DPP10: variants seen among roughly 807,000 people sequenced by gnomAD.
DPP10 encodes the protein dipeptidyl peptidase like 10, also known as inactive dipeptidyl peptidase 10.
In DPP10, 33 loss-of-function variants were observed where a neutral mutation model predicts 120.9. The ratio of observed to expected loss-of-function variants is 0.27; its 90% CI spans 0.21 to 0.37. The LOEUF is 0.37. DPP10 is among the 10% of genes least tolerant of loss of function. The pLI, the probability that DPP10 is intolerant of heterozygous loss-of-function variation, is 1.00. For missense variants in DPP10, 816 were observed against 942.8 expected (o/e 0.87, Z 1.76); for synonymous variants, 337 against 326.1 (o/e 1.03, Z -0.36).
At chr2:114,544,829 T>C (rs915095398) in intron 1 of DPP10, among the ~76,000 whole-genome samples, 1 of 152,084 alleles carries the variant, frequency 6.6e-6, no homozygotes, top group Admixed American at 6.6e-5. Flanking sequence ...TATGTAAATG[T>C]AGTTCATTAT....
chr2:114,505,691 T>G (rs565876593), intron 1 of DPP10, among the ~76,000 whole-genome samples: 1 of 152,292 alleles, frequency 6.6e-6, no homozygotes, highest in South Asian at 2.1e-4. Context: ...AGGGACACAG[T>G]TGTGAAGTCA....
At chr2:115,370,182 G>A (rs186929717) in intron 3 of DPP10, among the ~76,000 whole-genome samples, 3 of 152,196 alleles carry the variant, frequency 2.0e-5, no homozygotes, top group Admixed American at 2.0e-4. Flanking sequence ...ACAGCCTTGT[G>A]GTCGCTTTTC....
chr2:115,239,031 C>G (rs1026738237), intron 1 of DPP10, among the ~76,000 whole-genome samples: 1 of 152,070 alleles, frequency 6.6e-6, no homozygotes, highest in African/African-American at 2.4e-5. Flanking sequence ...GCCAATCTAG[C>G]CTTTTTATGT....
intron 1 of DPP10, among the ~76,000 whole-genome samples, chr2:114,692,547 T>C (rs1242218627): frequency 6.6e-6 from 1 of 152,104 alleles, no homozygotes. Flanking sequence ...GAAAAGAATG[T>C]ATACTCTGTT....
At chr2:115,778,294 T>G (rs1043861764) in intron 15 of DPP10, among the ~76,000 whole-genome samples, 8 of 152,100 alleles carry the variant, frequency 5.3e-5, no homozygotes, top group African/African-American at 1.7e-4. Context: ...TGTCTTGTTG[T>G]TCATAAAACC....
chr2:115,331,273 A>G (rs1265501332), intron 2 of DPP10, among the ~76,000 whole-genome samples: 1 of 152,220 alleles, frequency 6.6e-6, no homozygotes, highest in East Asian at 1.9e-4. Flanking sequence ...CACTGATTTT[A>G]TATCCTGAGA....
At chr2:115,522,321 C>G (rs773931144) in intron 4 of DPP10, among the ~76,000 whole-genome samples, 1 of 152,078 alleles carries the variant, frequency 6.6e-6, no homozygotes, top group African/African-American at 2.4e-5. Context: ...CAGTGACTAA[C>G]GAGGTTCATG....
intron 1 of DPP10, among the ~76,000 whole-genome samples, chr2:115,301,621 G>T (rs1184006920): frequency 2.6e-5 from 4 of 151,990 alleles, no homozygotes; most frequent in South Asian, 2.1e-4. Flanking sequence ...CTGGTTACCA[G>T]AGCTCCCAAA....
chr2:115,751,798 T>TC (rs1242159167), intron 10 of DPP10, among the ~76,000 whole-genome samples: 14 of 100,064 alleles, frequency 1.4e-4, no homozygotes, highest in African/African-American at 3.9e-4. Flanking sequence ...TGTTTTTTTT[T>TC]TGTTGTTTTT....
At chr2:114,600,222 T>A (rs1015125111) in intron 1 of DPP10, among the ~76,000 whole-genome samples, 3 of 151,728 alleles carry the variant, frequency 2.0e-5, no homozygotes, top group Admixed American at 6.6e-5. Context: ...GTTTAAAAAC[T>A]TTTTTCCCTC....
rs528269789 is a variant in DPP10 at position 114,898,016 on chromosome 2, C to A, written c.61-411223C>A. Among the ~76,000 whole-genome samples, 713 of 152,256 alleles carry A rather than the reference C, an allele frequency of 4.7e-3. 2 individuals are homozygous for A. The highest frequency in any genetic ancestry group is 0.014 in the Middle Eastern group (4 of 294). ...TTACTGGGTGTATACCCAAAGGACT[C>A]TAAATCATGCTGCTATAAAGACACA... On this transcript the variant is annotated intron_variant, in intron 1 of 25. Coordinates refer to ENST00000410059, the MANE Select transcript of DPP10 (RefSeq NM_020868.6).
intron 1 of DPP10, among the ~76,000 whole-genome samples, chr2:114,762,592 G>T (rs913247190): frequency 6.6e-6 from 1 of 152,198 alleles, no homozygotes; most frequent in Non-Finnish European, 1.5e-5. Flanking sequence ...TTTCAAGACT[G>T]ACTCAATAAG....
intron 5 of DPP10, among the ~76,000 whole-genome samples, chr2:115,589,825 G>C (rs2149166288): frequency 6.6e-6 from 1 of 152,230 alleles, no homozygotes; most frequent in African/African-American, 2.4e-5. Context: ...TAATTGTGCA[G>C]ATATTTTCCA....
intron 18 of DPP10, 50 bp from the exon 19 acceptor site, chr2:115,791,237 T>G (rs539845875): frequency 1.2e-6 from 2 of 1,605,958 alleles, no homozygotes. Context: ...TCTTATAGTT[T>G]TACCTGCAAA....
At chr2:115,174,900 C>T (rs1399234326) in intron 1 of DPP10, among the ~76,000 whole-genome samples, 1 of 152,090 alleles carries the variant, frequency 6.6e-6, no homozygotes, top group Non-Finnish European at 1.5e-5. Context: ...CGGGTTTGTC[C>T]CAAGAAATTG....
At chr2:114,829,458 A>C (rs111444386) in intron 1 of DPP10, among the ~76,000 whole-genome samples, 3 of 147,218 alleles carry the variant, frequency 2.0e-5, no homozygotes, top group Admixed American at 1.4e-4. Context: ...ACCTCGGCTC[A>C]CTGCAACCTC....
intron 3 of DPP10, among the ~76,000 whole-genome samples, chr2:115,381,869 G>T (rs922750571): frequency 3.9e-5 from 6 of 152,020 alleles, no homozygotes; most frequent in Non-Finnish European, 7.4e-5. Context: ...CTTCTCGGGG[G>T]TCAGGGGTCA....
chr2:114,586,368 T>C (rs1690980600), intron 1 of DPP10, among the ~76,000 whole-genome samples: 1 of 152,208 alleles, frequency 6.6e-6, no homozygotes, highest in African/African-American at 2.4e-5. Flanking sequence ...GGGAGACATA[T>C]GATTAACAGC....
chr2:115,286,529 A>ATATATATATATATATATATAT (rs2060404748), intron 1 of DPP10, among the ~76,000 whole-genome samples: 1 of 112,254 alleles, frequency 8.9e-6, no homozygotes, highest in African/African-American at 3.1e-5. Flanking sequence ...TATATATAAT[A>ATATATATATATATATATATAT]TATATATATA....
Sources: gnomAD v4.1 joint callset for allele counts (sites outside exome capture counted in the v4.1 genomes callset) on GRCh38, gnomAD v4.1.1 for gene constraint, MANE v1.5 for transcripts, NCBI Gene and HGNC (gene_info 2026-07-23, HGNC 2026-07-21) for gene names.